The following PAH variants were observed in gnomAD, a reference collection of about 807,000 sequenced individuals.
The protein encoded by PAH is phenylalanine hydroxylase.
In PAH, 64 loss-of-function variants were observed where a neutral mutation model predicts 62.0. The ratio of observed to expected loss-of-function variants is 1.03; its 90% CI spans 0.84 to 1.27. The LOEUF is 1.27. Among genes scored for constraint, PAH ranks in the 50% most tolerant of loss-of-function variants. PAH has a pLI of 0.00. For missense variants in PAH, 579 were observed against 542.8 expected (o/e 1.07, Z -0.66); for synonymous variants, 195 against 196.2 (o/e 0.99, Z 0.05).
rs1404432746 is a variant in PAH at position 102,880,906 on chromosome 12, T to TA, written c.353-3357dup. On this transcript the variant is annotated intron_variant, in intron 3 of 12. Coordinates refer to ENST00000553106, the MANE Select transcript of PAH (RefSeq NM_000277.3). ...TCTTTATTGGGGTATAATTGAACAA[T>TA]AAAAAATGCATATATATTTATAATA... 2.6e-5 allele frequency among the ~76,000 whole-genome samples: 4 copies of TA among 151,568 alleles called. No individual in the cohort carries two copies. In the South Asian group the frequency reaches 8.3e-4, roughly 31 times the overall value.
Position 102,917,223 on chromosome 12 carries a change from G to A in PAH, c.-93C>T. On this transcript the variant is annotated 5_prime_UTR_variant, in exon 1 of 13. Transcript: ENST00000553106. ...ACGTGGGGCTGAAGGTTTTAACCTC[G>A]CACTAGGGAGGAGAAGAGAGTTACA... 1 of 1,030,568 alleles carries A rather than the reference G, an allele frequency of 9.7e-7. No homozygotes were observed. Among genetic ancestry groups the A allele is most frequent in the Non-Finnish European group, 1.5e-6 (1 of 657,136 alleles). The allele number at this position is 1,030,568 out of a possible 1,614,324, so 63.8% of individuals were successfully genotyped here.
At chr12:102,869,864 G>A (rs1340027882) in intron 4 of PAH, among the ~76,000 whole-genome samples, 1 of 152,212 alleles carries the variant, frequency 6.6e-6, no homozygotes, top group African/African-American at 2.4e-5. Context: ...CACAGTTGGT[G>A]ATGACTGATC....
At chr12:102,929,083 T>C (rs1374677707) in intron 1 of PAH, among the ~76,000 whole-genome samples, 2 of 152,166 alleles carry the variant, frequency 1.3e-5, no homozygotes, top group Non-Finnish European at 2.9e-5. Flanking sequence ...TTTTCCTTCC[T>C]GCCACCATGT....
chr12:102,859,087 TAAA>T (rs1875588761), intron 5 of PAH, among the ~76,000 whole-genome samples: 1 of 151,042 alleles, frequency 6.6e-6, no homozygotes, highest in African/African-American at 2.4e-5. Context: ...GCAAGACTAA[TAAA>T]GAAGAAAAGA....
chr12:102,844,210 A>C, intron 10 of PAH, 126 bp downstream of exon 10: 1 of 727,990 alleles, frequency 1.4e-6, no homozygotes, highest in Non-Finnish European at 2.5e-6. Context: ...CAATCACTGG[A>C]GAATGAGTTC....
intron 2 of PAH, among the ~76,000 whole-genome samples, chr12:102,907,775 C>T (rs920106017): frequency 2.0e-5 from 3 of 151,978 alleles, no homozygotes; most frequent in Admixed American, 6.6e-5. Flanking sequence ...TGCGCCATCA[C>T]GCCCAGATAA....
Position 102,931,561 on chromosome 12 carries a change from TA to T in PAH, c.-95-14337del, listed in dbSNP as rs148930873. Among the ~76,000 whole-genome samples the T allele has an allele frequency of 6.0e-3, 909 of 152,318 alleles. 9 individuals carry two copies. Among genetic ancestry groups the T allele is most frequent in the African/African-American group, 0.02 (840 of 41,568 alleles). On this transcript the variant is annotated intron_variant, in intron 1 of 3. Transcript: ENST00000546844. ...TAGTTTTAATCCTCACTACTTGATC[TA>T]AGGTCCATGAATTGTTTCTTATGCA...
chr12:102,842,308 AT>A lies in PAH; in HGVS notation c.1199+1337del, dbSNP rs1874626470. ...GGCTAGGCTCCCAGTTTAGGAGAGA[AT>A]TAAAAAAGCAGAGCCAGAAGGACTT... On this transcript the variant is annotated intron_variant, in intron 11 of 12. Coordinates refer to ENST00000553106, the MANE Select transcript of PAH (RefSeq NM_000277.3). Among the ~76,000 whole-genome samples the A allele has an allele frequency of 3.3e-5, 5 of 152,310 alleles. No homozygotes were observed. In the South Asian group the frequency reaches 1.0e-3, roughly 32 times the overall value.
In PAH at chr12:102,858,436, G is replaced by A. The variant is rs530398345; in HGVS notation, c.510-3104C>T. On this transcript the variant is annotated intron_variant, in intron 5 of 12. Transcript: ENST00000553106. Reference sequence around the variant, plus strand: ...GATCAACAAGAAAGAAAGTTAACAAGGATGTCCAGGAATTGAACTCAGCTC... The same window carrying A: ...GATCAACAAGAAAGAAAGTTAACAAAGATGTCCAGGAATTGAACTCAGCTC... Among the ~76,000 whole-genome samples, 8 of 152,294 alleles carry A rather than the reference G, an allele frequency of 5.3e-5. No homozygotes were observed. The East Asian group carries it at 9.6e-4, about 18-fold the overall frequency.
At chr12:102,930,216 T>A (rs553592905) in intron 1 of PAH, among the ~76,000 whole-genome samples, 1 of 152,284 alleles carries the variant, frequency 6.6e-6, no homozygotes, top group Admixed American at 6.5e-5. Context: ...CTGCCATTCA[T>A]TCATTCAGTA....
intron 3 of PAH, among the ~76,000 whole-genome samples, chr12:102,889,975 A>C (rs1877208776): frequency 1.3e-5 from 2 of 152,228 alleles, no homozygotes; most frequent in Non-Finnish European, 2.9e-5. Context: ...AATAGACCTC[A>C]AGTATTCAAA....
chr12:102,903,400 A>C (rs77825430), intron 2 of PAH, among the ~76,000 whole-genome samples: 5,510 of 122,418 alleles, frequency 0.045, 138 homozygotes, highest in African/African-American at 0.11. Flanking sequence ...AACAAACAAA[A>C]AAAAACAACC....
chr12:102,866,861 G>C (rs1419441008), intron 4 of PAH, among the ~76,000 whole-genome samples, 198 bp from the exon 5 acceptor site: 2 of 152,208 alleles, frequency 1.3e-5, no homozygotes, highest in African/African-American at 2.4e-5. Context: ...TAACTTCTTT[G>C]ATTTAGCATG....
rs377468036 is a variant in PAH, at chr12:102,863,543, T to G, written c.509+3053A>C. ...CTGGCTGAGAGATGGGACTATGTCC[T>G]AATCAGAGTCAGTGGACTCAATGCC... On this transcript the variant is annotated intron_variant, in intron 5 of 12. Transcript: ENST00000553106. Among the ~76,000 whole-genome samples the G allele has an allele frequency of 5.9e-5, 9 of 152,288 alleles. No individual in the cohort carries two copies. The South Asian group carries it at 1.2e-3, about 21-fold the overall frequency.
chr12:102,881,602 C>T (rs1030712840), intron 3 of PAH, among the ~76,000 whole-genome samples: 2 of 152,128 alleles, frequency 1.3e-5, no homozygotes, highest in South Asian at 2.1e-4. Context: ...GTACCCTTGA[C>T]CATCTCCCAA....
rs1878405943 is a variant in PAH, at chr12:102,916,943, C to T, written c.60+128G>A. 2.3e-5 allele frequency: 20 copies of T among 851,564 alleles called. 1 individual carries two copies. Among genetic ancestry groups the T allele is most frequent in the Middle Eastern group, 2.2e-4 (1 of 4,632 alleles). 52.8% of individuals were successfully genotyped at this position (851,564 alleles called of 1,614,324 possible). A position where few individuals can be genotyped will look rare whatever the true frequency, so the allele number is the denominator to read the frequency against. Reference sequence around the variant, plus strand: ...TGTCTGTTGACTTCCTGGATATTCTCATCAGCTTCCAACGAATTCAGACTT... The same window carrying T: ...TGTCTGTTGACTTCCTGGATATTCTTATCAGCTTCCAACGAATTCAGACTT... On this transcript the variant is annotated intron_variant, in intron 1 of 12. Coordinates refer to ENST00000553106, the MANE Select transcript of PAH (RefSeq NM_000277.3).
chr12:102,896,384 A>C (rs1198722315), intron 2 of PAH, among the ~76,000 whole-genome samples: 1 of 152,208 alleles, frequency 6.6e-6, no homozygotes, highest in Non-Finnish European at 1.5e-5. Context: ...CATTTTAAGA[A>C]TTATGGTTTT....
chr12:102,941,162 T>A (rs941887989), intron 1 of PAH, among the ~76,000 whole-genome samples: 1 of 152,124 alleles, frequency 6.6e-6, no homozygotes, highest in African/African-American at 2.4e-5. Flanking sequence ...TTACAATAGA[T>A]CTTTAAGGAG....
Position 102,894,666 on chromosome 12 carries a change from T to C in PAH, c.352+69A>G, listed in dbSNP as rs543573785. On this transcript the variant is annotated intron_variant, in intron 3 of 12. Transcript: ENST00000553106. Reference sequence around the variant, plus strand: ...ATATATTTAAATATGCTGTTAAATATGTATATTGCTGTTATTTTATGAAGA... The same window carrying C: ...ATATATTTAAATATGCTGTTAAATACGTATATTGCTGTTATTTTATGAAGA... 122 of 1,160,470 alleles carry C rather than the reference T, an allele frequency of 1.1e-4. 1 individual carries two copies. The Middle Eastern group carries it at 1.2e-3, about 11-fold the overall frequency. 71.9% of individuals were successfully genotyped at this position (1,160,470 alleles called of 1,614,324 possible).
Sources: gnomAD v4.1 joint callset for allele counts (sites outside exome capture counted in the v4.1 genomes callset) on GRCh38, gnomAD v4.1.1 for gene constraint, MANE v1.5 for transcripts, NCBI Gene and HGNC (gene_info 2026-07-23, HGNC 2026-07-21) for gene names.